Variants in VWA5B1 observed in about 807,000 individuals in gnomAD.
VWA5B1 encodes the protein von Willebrand factor A domain containing 5B1.
In VWA5B1, 115 loss-of-function variants were observed where a neutral mutation model predicts 118.2. The observed-to-expected ratio is 0.97, with a 90% CI of 0.84 to 1.14. The LOEUF (loss-of-function observed/expected upper bound fraction) is 1.14, where lower values mean the gene tolerates loss of function less well. Among genes scored for constraint, VWA5B1 ranks in the 50% most tolerant of loss-of-function variants. The probability of loss-of-function intolerance (pLI) is 0.00; values close to 1 mark genes in which losing one functional copy is unlikely to be tolerated. For missense variants in VWA5B1, 1,596 were observed against 1,603.8 expected, an observed-to-expected ratio of 1.00 and a Z score of 0.08; for synonymous variants, 682 against 658.4, an observed-to-expected ratio of 1.04 and a Z score of -0.55.
At chr1:20,316,264 G>A (rs1460610787) in intron 4 of VWA5B1, among the ~76,000 whole-genome samples, 1 of 152,194 alleles carries the variant, frequency 6.6e-6, no homozygotes, top group Non-Finnish European at 1.5e-5. Context: ...TCATGGAGAA[G>A]TTCTTTCACA....
At chr1:20,292,115 GTC>G (rs1468329211) in intron 1 of VWA5B1, among the ~76,000 whole-genome samples, 1 of 146,908 alleles carries the variant, frequency 6.8e-6, no homozygotes, top group Non-Finnish European at 1.5e-5. Context: ...CTTTCCCTCT[GTC>G]TCTCTTTCTC....
rs538600961 is a variant in VWA5B1, at chr1:20,337,826, T to G, written c.2123T>G (p.Ile708Ser). ...QTSLDVQRWQ[I>S]DLQPLLNSGQ... ...AGCCTGGATGTCCAGCGGTGGCAGATTGATTTGCAGGTACCCAAGCAGGAC... is the reference window on the plus strand; with the variant it reads ...AGCCTGGATGTCCAGCGGTGGCAGAGTGATTTGCAGGTACCCAAGCAGGAC... The change falls in exon 14 of 22, where the codon ATT (isoleucine) becomes AGT (serine). Residue 708 changes from isoleucine (I) to serine (S), a missense_variant. Transcript: ENST00000289815. 1.3e-6 allele frequency: 2 copies of G among 1,551,514 alleles called. No individual in the cohort carries two copies. The highest frequency in any genetic ancestry group is 1.7e-6 in the Non-Finnish European group (2 of 1,146,946).
intron 14 of VWA5B1, chr1:20,338,882 T>C (rs981539521): frequency 6.6e-6 from 1 of 152,108 alleles, no homozygotes; most frequent in Admixed American, 6.6e-5. Flanking sequence ...CCCGGGCTGG[T>C]CTTGAACTCC....
chr1:20,293,330 G>C (rs2088347281), intron 1 of VWA5B1, among the ~76,000 whole-genome samples: 1 of 152,104 alleles, frequency 6.6e-6, no homozygotes, highest in Admixed American at 6.5e-5. Flanking sequence ...GCTGGTTATG[G>C]CTCTGTGAGA....
chr1:20,315,175 G>A (rs1464306473), intron 4 of VWA5B1, among the ~76,000 whole-genome samples: 1 of 152,240 alleles, frequency 6.6e-6, no homozygotes, highest in Non-Finnish European at 1.5e-5. Flanking sequence ...ACGATGCGGA[G>A]GATGTAGGCA....
intron 19 of VWA5B1, 147 bp downstream of exon 19, chr1:20,350,377 C>A (rs2090104478): frequency 3.3e-6 from 3 of 916,970 alleles, no homozygotes; most frequent in Admixed American, 4.4e-5. Context: ...GGATTATCCC[C>A]AATTGAAAGA....
At position 20,358,687 on chromosome 1, in the gene VWA5B1, G is replaced by A. The variant is rs888479783; in HGVS notation, c.*4424G>A. 2.6e-5 allele frequency among the ~76,000 whole-genome samples: 4 copies of A among 152,180 alleles called. No individual in the cohort carries two copies. The highest frequency in any genetic ancestry group is 4.4e-5 in the Non-Finnish European group (3 of 68,020). ...GGAAAGGAGAGGGAAGGGTACTGCC[G>A]CCCCATGAATGGGGCATGTGCTCAT... On this transcript the variant is annotated 3_prime_UTR_variant, in exon 22 of 22. Transcript: ENST00000289815.
intron 9 of VWA5B1, 125 bp downstream of exon 9, chr1:20,328,125 AC>A: frequency 2.4e-6 from 2 of 839,694 alleles, no homozygotes; most frequent in Non-Finnish European, 1.9e-6. Flanking sequence ...CCCACAGAGA[AC>A]CCAGATCACA....
In VWA5B1 at chr1:20,354,686, A is replaced by C; in HGVS notation, c.*423A>C. 1 of 185,292 alleles carries C rather than the reference A, an allele frequency of 5.4e-6. No homozygotes were observed. Among genetic ancestry groups the C allele is most frequent in the Non-Finnish European group, 1.1e-5 (1 of 88,976 alleles). 11.5% of individuals were successfully genotyped at this position (185,292 alleles called of 1,614,324 possible). A position where few individuals can be genotyped will look rare whatever the true frequency, so the allele number is the denominator to read the frequency against. On this transcript the variant is annotated 3_prime_UTR_variant, in exon 22 of 22. Coordinates refer to ENST00000289815, the MANE Select transcript of VWA5B1 (RefSeq NM_001039500.3). ...GACACAGCAATGCCCACTCAAATAA[A>C]AGGGCAGATGAGAGAACCCAGTGAC...
intron 1 of VWA5B1, among the ~76,000 whole-genome samples, chr1:20,291,932 C>CGCCG (rs1332896679): frequency 6.6e-6 from 1 of 152,170 alleles, no homozygotes; most frequent in African/African-American, 2.4e-5. Context: ...CCCATGCTCC[C>CGCCG]GCCGCCGGCA....
At chr1:20,296,673 G>T (rs1001394099) in intron 1 of VWA5B1, among the ~76,000 whole-genome samples, 1 of 152,162 alleles carries the variant, frequency 6.6e-6, no homozygotes, top group Non-Finnish European at 1.5e-5. Context: ...TTGGCACATG[G>T]TTGTAACTAT....
chr1:20,349,228 G>A (rs1454743436), intron 18 of VWA5B1: 2 of 445,612 alleles, frequency 4.5e-6, no homozygotes, highest in Non-Finnish European at 9.1e-6. Flanking sequence ...GGTCCCATTG[G>A]CCTCCAAAAC....
chr1:20,320,571 G>A (rs892474220), intron 7 of VWA5B1, among the ~76,000 whole-genome samples: 6 of 152,256 alleles, frequency 3.9e-5, no homozygotes, highest in South Asian at 2.1e-4. Flanking sequence ...CAGGCCTGGG[G>A]CTGGCTGCCC....
At chr1:20,315,008 A>T (rs1365723091) in intron 4 of VWA5B1, among the ~76,000 whole-genome samples, 1 of 152,182 alleles carries the variant, frequency 6.6e-6, no homozygotes, top group Non-Finnish European at 1.5e-5. Flanking sequence ...TAACACAATG[A>T]ATTATGTGAC....
intron 14 of VWA5B1, 149 bp from the exon 15 acceptor site, chr1:20,342,283 C>T: frequency 1.4e-6 from 1 of 737,936 alleles, no homozygotes; most frequent in East Asian, 2.8e-5. Context: ...CCAGGAGGAG[C>T]TGCTGTGCCC....
At chr1:20,297,552 T>C (rs929009867) in intron 1 of VWA5B1, among the ~76,000 whole-genome samples, 1 of 152,258 alleles carries the variant, frequency 6.6e-6, no homozygotes, top group African/African-American at 2.4e-5. Context: ...GAAGATCACA[T>C]GCAGCCTTAT....
At chr1:20,326,461 T>TTTTG (rs2089385161) in intron 8 of VWA5B1, among the ~76,000 whole-genome samples, 1 of 151,976 alleles carries the variant, frequency 6.6e-6, no homozygotes, top group Non-Finnish European at 1.5e-5. Flanking sequence ...CTGTGGGGTT[T>TTTTG]TTTTGTTTTG....
At chr1:20,341,760 G>T (rs760962402) in intron 14 of VWA5B1, among the ~76,000 whole-genome samples, 2 of 152,140 alleles carry the variant, frequency 1.3e-5, no homozygotes, top group African/African-American at 4.8e-5. Flanking sequence ...CACAAGAATA[G>T]ATAGATTAAA....
chr1:20,298,313 G>A (rs913039565), intron 1 of VWA5B1, among the ~76,000 whole-genome samples: 2 of 152,070 alleles, frequency 1.3e-5, no homozygotes, highest in Non-Finnish European at 2.9e-5. Flanking sequence ...AGTCTCAGTG[G>A]TGAATCTGAA....
Sources: gnomAD v4.1 joint callset for allele counts (sites outside exome capture counted in the v4.1 genomes callset) on GRCh38, gnomAD v4.1.1 for gene constraint, MANE v1.5 for transcripts, NCBI Gene and HGNC (gene_info 2026-07-23, HGNC 2026-07-21) for gene names.